The following NOLC1 variants were observed in gnomAD, a reference collection of about 807,000 sequenced individuals.
NOLC1 encodes nucleolar and coiled-body phosphoprotein 1.
Under a neutral mutation model 73.4 loss-of-function variants are expected in NOLC1, and 37 were observed. The observed-to-expected ratio is 0.50, with a 90% CI of 0.39 to 0.66. The LOEUF (loss-of-function observed/expected upper bound fraction) is 0.66, where lower values mean the gene tolerates loss of function less well. Among genes scored for constraint, NOLC1 ranks in the 30% least tolerant of loss-of-function variants. The pLI is 0.00. For synonymous variants in NOLC1, 327 were observed against 302.6 expected, an observed-to-expected ratio of 1.08 and a Z score of -0.84; for missense variants, 921 against 838.9, an observed-to-expected ratio of 1.10 and a Z score of -1.21.
intron 1 of NOLC1, among the ~76,000 whole-genome samples, chr10:102,154,051 G>T (rs372557434): frequency 1.3e-5 from 2 of 149,444 alleles, no homozygotes; most frequent in Non-Finnish European, 3.0e-5. Context: ...CAGATGCTAC[G>T]CCCTTCACAT....
intron 10 of NOLC1, 36 bp downstream of exon 10, chr10:102,161,129 C>T (rs201249259): frequency 1.9e-6 from 3 of 1,553,390 alleles, no homozygotes; most frequent in East Asian, 2.2e-5. Flanking sequence ...TGGGTTTTGT[C>T]CCCCCAAATC....
At chr10:102,159,083 A>G in intron 5 of NOLC1, 110 bp from the exon 6 acceptor site, 1 of 1,117,790 alleles carries the variant, frequency 8.9e-7, no homozygotes, top group Non-Finnish European at 1.2e-6. Flanking sequence ...AAAAAAAAAA[A>G]AAAAAAAAAA....
intron 10 of NOLC1, 124 bp from the exon 11 acceptor site, chr10:102,161,432 A>T (rs1299654006): frequency 1.4e-6 from 1 of 705,594 alleles, no homozygotes; most frequent in Non-Finnish European, 2.4e-6. Flanking sequence ...GAATCTCACT[A>T]TATTGCCCAG....
In NOLC1 at chr10:102,160,850, G is replaced by T. The variant is rs777691719; in HGVS notation, c.1498G>T (p.Gly500Cys). The T allele has an allele frequency of 7.4e-6, 12 of 1,614,034 alleles. No homozygotes were observed. The highest frequency in any genetic ancestry group is 1.6e-4 in the Middle Eastern group (1 of 6,084). Residue 500 changes from glycine to cysteine, a missense_variant, in exon 10 of 13, where the codon GGT becomes TGT. Physicochemically the swap from Gly to Cys is radical, Grantham distance 159. Transcript: ENST00000605788. ...VKKKPQKVAGGAAPSKPASAK... is the reference protein window; with the variant it reads ...VKKKPQKVAGCAAPSKPASAK... ...GAAGAAGCCACAGAAGGTAGCAGGA[G>T]GTGCAGCCCCTTCCAAGCCAGCCTC...
intron 1 of NOLC1, among the ~76,000 whole-genome samples, chr10:102,155,517 A>AT (rs147766613): frequency 0.022 from 2,893 of 133,912 alleles, 60 homozygotes; most frequent in African/African-American, 0.057. Flanking sequence ...GCCTGAATGC[A>AT]TTTTTTTTTT....
Position 102,162,131 on chromosome 10 carries a change from G to A in NOLC1, c.1962G>A (p.Trp654Ter), listed in dbSNP as rs1357978177. The change falls in exon 13 of 13, where the codon TGG becomes TGA. Residue 654 changes from tryptophan to a stop codon, truncating the protein, a stop_gained. Coordinates refer to ENST00000605788, the MANE Select transcript of NOLC1 (RefSeq NM_004741.5). LOFTEE classifies it high-confidence loss of function. ...FDAKRGAAGD[W>*]GERANQVLKF... ...ACCAGCGAGGTGCAGCCGGAGACTG[G>A]GGAGAGCGAGCCAATCAGGTTTTGA... is the stretch of plus-strand genomic sequence containing the variant. 1.2e-6 allele frequency: 2 copies of A among 1,613,848 alleles called. No individual in the cohort carries two copies. Among genetic ancestry groups the A allele is most frequent in the Admixed American group, 1.7e-5 (1 of 59,972 alleles).
In NOLC1 at chr10:102,157,179, A is replaced by G. The variant is rs1383318682; in HGVS notation, c.177-10A>G. On this transcript the variant is annotated splice_polypyrimidine_tract_variant and intron_variant, in intron 2 of 12. Coordinates refer to ENST00000605788, the MANE Select transcript of NOLC1 (RefSeq NM_004741.5). ...AGTCCCCTAGAAATTGGTCCAATCT[A>G]CCTCAGCAGGTCTGCCAAGGTCCCA... 3.7e-6 allele frequency: 6 copies of G among 1,613,990 alleles called. No individual in the cohort carries two copies. The Admixed American group carries it at 1.0e-4, about 27-fold the overall frequency.
In NOLC1 at chr10:102,161,064, A is replaced by C; in HGVS notation, c.1712A>C (p.Lys571Thr). The change falls in exon 10 of 13, where the codon AAA becomes ACA. Residue 571 changes from lysine (K) to threonine (T), a missense_variant. Transcript: ENST00000605788. ...AGTGAGGAGGAGGAAGAAGAAAAGA[A>C]AAAGGCGGCAGTGGTAGTTTCCAAA... ...KNSEEEEEEKKKAAVVVSKSG... is the reference protein window; with the variant it reads ...KNSEEEEEEKTKAAVVVSKSG... The C allele has an allele frequency of 6.2e-7, 1 of 1,609,974 alleles. No homozygotes were observed. Among genetic ancestry groups the C allele is most frequent in the Non-Finnish European group, 8.5e-7 (1 of 1,179,232 alleles).
At chr10:102,161,713 A>G (rs775498485) in intron 11 of NOLC1, 51 bp downstream of exon 11, 1 of 1,554,928 alleles carries the variant, frequency 6.4e-7, no homozygotes, top group Non-Finnish European at 8.8e-7. Context: ...AAGTAGAAAA[A>G]TCTAGGATCA....
At position 102,157,630 on chromosome 10, in the gene NOLC1, T is replaced by A. The variant is rs2069621500; in HGVS notation, c.441+75T>A. 2.0e-6 allele frequency: 3 copies of A among 1,520,090 alleles called. No homozygotes were observed. The South Asian group carries it at 3.8e-5, about 19-fold the overall frequency. The allele number at this position is 1,520,090 out of a possible 1,614,324, so 94.2% of individuals were successfully genotyped here. A position where few individuals can be genotyped will look rare whatever the true frequency, so the allele number is the denominator to read the frequency against. ...ACCTAAAATCTTGGCCTCTAGCTTG[T>A]AACCAAGGGGTGATGGCGGCAATAC... is the stretch of plus-strand genomic sequence containing the variant. On this transcript the variant is annotated intron_variant, in intron 4 of 12. Transcript: ENST00000605788.
At position 102,159,436 on chromosome 10, in the gene NOLC1, G is replaced by T; in HGVS notation, c.727G>T (p.Val243Leu). ...EKAAATPKKTVPKKQVVAKAP... is the reference protein window; with the variant it reads ...EKAAATPKKTLPKKQVVAKAP... ...ATCAATTTTCTTTCTAATGCAGACT[G>T]TACCTAAAAAGCAAGTTGTGGCCAA... Residue 243 changes from valine to leucine, a missense_variant, in exon 7 of 13, where the codon GTA becomes TTA. Physicochemically the swap from Val to Leu is conservative, Grantham distance 32. Transcript: ENST00000605788. The T allele has an allele frequency of 6.2e-7, 1 of 1,614,134 alleles. No homozygotes were observed. The highest frequency in any genetic ancestry group is 8.5e-7 in the Non-Finnish European group (1 of 1,180,012).
intron 1 of NOLC1, 33 bp downstream of exon 1, chr10:102,152,563 G>C: frequency 6.2e-7 from 1 of 1,612,254 alleles, no homozygotes. Context: ...GGACCGGGCT[G>C]AGATGACCAC....
Position 102,160,650 on chromosome 10 carries a change from G to C in NOLC1, c.1298G>C (p.Ser433Thr). 2 of 1,614,184 alleles carry C rather than the reference G, an allele frequency of 1.2e-6. No homozygotes were observed. The highest frequency in any genetic ancestry group is 1.7e-6 in the Non-Finnish European group (2 of 1,180,030). The change falls in exon 10 of 13, where the codon AGT (serine) becomes ACT (threonine). Residue 433 changes from serine (S) to threonine (T), a missense_variant. Transcript: ENST00000605788. Reference protein sequence around the residue: ...SSSSEEESSSSEEEKTKKMVA... With the variant: ...SSSSEEESSSTEEEKTKKMVA... ...TCCAGTGAGGAAGAGAGCAGCTCCA[G>C]TGAGGAGGAGAAGACAAAGAAGATG...
chr10:102,162,172 A>C lies in NOLC1; in HGVS notation c.2003A>C (p.Lys668Thr). ...CAGGTTTTGAAGTTCACCAAAGGCA[A>C]GTCCTTTCGGCATGAGAAAACCAAG... ...ANQVLKFTKG[K>T]SFRHEKTKKK... The change falls in exon 13 of 13, where the codon AAG becomes ACG. Residue 668 changes from lysine (K) to threonine (T), a missense_variant. By Grantham distance (78) the Lys-to-Thr change is moderately conservative. Transcript: ENST00000605788. 6.2e-7 allele frequency: 1 copy of C among 1,614,156 alleles called. No individual in the cohort carries two copies. Among genetic ancestry groups the C allele is most frequent in the Non-Finnish European group, 8.5e-7 (1 of 1,180,046 alleles).
In NOLC1 at chr10:102,160,814, T is replaced by G; in HGVS notation, c.1462T>G (p.Ser488Ala). 1 of 1,613,922 alleles carries G rather than the reference T, an allele frequency of 6.2e-7. No homozygotes were observed. The highest frequency in any genetic ancestry group is 8.5e-7 in the Non-Finnish European group (1 of 1,179,980). Residue 488 changes from serine (S) to alanine (A), a missense_variant, in exon 10 of 13, where the codon TCT (serine) becomes GCT (alanine). Physicochemically the swap from Ser to Ala is moderately conservative, Grantham distance 99. Coordinates refer to ENST00000605788, the MANE Select transcript of NOLC1 (RefSeq NM_004741.5). ...GGAGGAGGAAGAGAAGACATCTAAGTCTGCAGTTAAGAAGAAGCCACAGAA... is the reference window on the plus strand; with the variant it reads ...GGAGGAGGAAGAGAAGACATCTAAGGCTGCAGTTAAGAAGAAGCCACAGAA... ...SEEEEEKTSKSAVKKKPQKVA... is the reference protein window; with the variant it reads ...SEEEEEKTSKAAVKKKPQKVA...
At chr10:102,157,947 T>C in intron 4 of NOLC1, 102 bp from the exon 5 acceptor site, 1 of 1,058,264 alleles carries the variant, frequency 9.4e-7, no homozygotes, top group African/African-American at 1.6e-5. Context: ...TTTCTTTTGC[T>C]CTTACTGCTC....
chr10:102,156,885 A>G (rs2069604918), intron 1 of NOLC1, 134 bp from the exon 2 acceptor site: 3 of 843,060 alleles, frequency 3.6e-6, no homozygotes, highest in South Asian at 3.2e-5. Context: ...CTCCTGATTT[A>G]TGCACGTAGC....
rs371487233 is a variant in NOLC1, at chr10:102,159,587, C to T, written c.859+19C>T. 1.9e-5 allele frequency: 31 copies of T among 1,610,506 alleles called. No individual in the cohort carries two copies. The highest frequency in any genetic ancestry group is 1.4e-4 in the South Asian group (13 of 90,804). ...AAACCAGGTGACTGGACATGGGGAG[C>T]GAAGCTGTGTGACTGTGGTCAGGGC... On this transcript the variant is annotated intron_variant, in intron 7 of 12. Transcript: ENST00000605788.
chr10:102,160,090 A>G, intron 8 of NOLC1, 66 bp downstream of exon 8: 2 of 1,592,172 alleles, frequency 1.3e-6, no homozygotes, highest in East Asian at 2.2e-5. Context: ...AATAAGGGAG[A>G]GAGAAAGCCT....
Sources: allele counts gnomAD v4.1 joint callset (sites outside exome capture counted in the v4.1 genomes callset), GRCh38; gene constraint gnomAD v4.1.1; transcripts MANE v1.5; gene names NCBI Gene and HGNC (gene_info 2026-07-23, HGNC 2026-07-21).